Variants in FAM131B observed in about 807,000 individuals in gnomAD.
The protein encoded by FAM131B is family with sequence similarity 131 member B.
A neutral mutation model predicts 42.0 loss-of-function variants in FAM131B; 19 were observed. The observed-to-expected ratio is 0.45, with a 90% CI of 0.32 to 0.66. The LOEUF is 0.66. Ranked by LOEUF, FAM131B falls within the 30% of genes least tolerant of loss-of-function variation. The pLI is 0.05. For missense variants in FAM131B, 370 were observed against 468.4 expected, an observed-to-expected ratio of 0.79 and a Z score of 1.94; for synonymous variants, 183 against 177.6, an observed-to-expected ratio of 1.03 and a Z score of -0.24.
the FAM131B span, chr7:143,382,129 C>T: frequency 7.9e-6 from 7 of 886,310 alleles, no homozygotes; most frequent in South Asian, 7.0e-5. Context: ...CTTTGCTTCC[C>T]CACACGCTCT....
upstream of FAM131B, among the ~76,000 whole-genome samples, chr7:143,364,853 G>A (rs933693893): frequency 6.6e-6 from 1 of 151,996 alleles, no homozygotes; most frequent in Non-Finnish European, 1.5e-5. Flanking sequence ...CATACTTGGC[G>A]GGGGGGTTCT....
At chr7:143,363,069 A>G (rs1804077880), upstream of FAM131B, among the ~76,000 whole-genome samples, 1 of 152,122 alleles carries the variant, frequency 6.6e-6, no homozygotes, top group African/African-American at 2.4e-5. Flanking sequence ...GGCCGGGGTC[A>G]GGGGATGCCC....
chr7:143,362,760 C>T, upstream of FAM131B: 1 of 264,128 alleles, frequency 3.8e-6, no homozygotes, highest in Admixed American at 5.9e-5. This position sits in a 1 kb window ranked among gnomAD's most constrained non-coding sequence, Gnocchi z 7.7. Context: ...CCCACGGCAG[C>T]TCCGTCGCCG....
the FAM131B span, among the ~76,000 whole-genome samples, chr7:143,368,107 G>C: frequency 6.6e-6 from 1 of 152,204 alleles, no homozygotes; most frequent in African/African-American, 2.4e-5. Flanking sequence ...TCCTGGTCAG[G>C]TCCCAAGCAC....
chr7:143,380,505 C>T, the FAM131B span: 3 of 985,370 alleles, frequency 3.0e-6, no homozygotes, highest in East Asian at 3.4e-4. This position sits in a 1 kb window ranked among gnomAD's most constrained non-coding sequence, Gnocchi z 5.0. Context: ...CCCGCGTCCG[C>T]GTCCGTCCTC....
Position 143,359,977 on chromosome 7 carries a change from G to T in FAM131B, c.138+63C>A, listed in dbSNP as rs1803875864. 1 of 1,269,858 alleles carries T rather than the reference G, an allele frequency of 7.9e-7. No homozygotes were observed. The highest frequency in any genetic ancestry group is 1.1e-6 in the Non-Finnish European group (1 of 877,076). The allele number at this position is 1,269,858 out of a possible 1,614,324, so 78.7% of individuals were successfully genotyped here. On this transcript the variant is annotated intron_variant, in intron 2 of 6. Coordinates refer to ENST00000443739, the MANE Select transcript of FAM131B (RefSeq NM_001031690.3). The surrounding 1 kb of genome is among the most constrained non-coding windows in gnomAD (Gnocchi z 5.4). ...GTCAGTCTGAAGGAGTGTTTGGGTT[G>T]TTGCCTTGGAATTGAGGAAGTGCAG...
rs1198925493 is a variant in FAM131B, at chr7:143,358,942, C to G, written c.351G>C (p.Gln117His). 4 of 1,614,134 alleles carry G rather than the reference C, an allele frequency of 2.5e-6. No individual in the cohort carries two copies. The highest frequency in any genetic ancestry group is 1.7e-6 in the Non-Finnish European group (2 of 1,180,014). The part of the protein sequence containing the change: ...QGRVAHMIEW[Q>H]GWGKTPAVQP... ...GAACAGCTGGTGTCTTCCCCCAGCC[C>G]TGCCACTCAATCATGTGGGCCACCC... Residue 117 changes from glutamine (Q) to histidine (H), a missense_variant, in exon 5 of 7, where the codon CAG (glutamine) becomes CAC (histidine). Transcript: ENST00000443739. The surrounding 1 kb of genome is among the most constrained non-coding windows in gnomAD (Gnocchi z 4.7).
At chr7:143,381,244 T>G in the FAM131B span, 1 of 1,020,292 alleles carries the variant, frequency 9.8e-7, no homozygotes, top group Non-Finnish European at 1.2e-6. Flanking sequence ...CCGCTCCTTG[T>G]ATGGTCTGGG....
chr7:143,368,408 C>T, the FAM131B span, among the ~76,000 whole-genome samples: 3 of 152,224 alleles, frequency 2.0e-5, no homozygotes, highest in Non-Finnish European at 4.4e-5. Context: ...ATATTCCTTC[C>T]TCCATGGAGA....
chr7:143,380,659 G>T, the FAM131B span: 2 of 985,308 alleles, frequency 2.0e-6, no homozygotes, highest in Non-Finnish European at 2.4e-6. This position sits in a 1 kb window ranked among gnomAD's most constrained non-coding sequence, Gnocchi z 5.0. Flanking sequence ...GCCTTAAGAG[G>T]CTGCCCAGCG....
chr7:143,382,109 TGCGCCC>T, the FAM131B span: 1 of 652,950 alleles, frequency 1.5e-6, no homozygotes, highest in East Asian at 5.2e-5. Context: ...CAGGGCGCCC[TGCGCCC>T]CTCCTTTGCT....
At chr7:143,371,964 G>GT in the FAM131B span, among the ~76,000 whole-genome samples, 1 of 151,994 alleles carries the variant, frequency 6.6e-6, no homozygotes. Flanking sequence ...CCTAGGAAAG[G>GT]TTTTTTTTCA....
the FAM131B span, among the ~76,000 whole-genome samples, chr7:143,376,645 C>T: frequency 5.9e-5 from 9 of 152,290 alleles, no homozygotes; most frequent in East Asian, 3.9e-4. Context: ...TCCTGATGCG[C>T]GCCCAACCCA....
Position 143,362,551 on chromosome 7 carries a change from GC to G in FAM131B, c.28+24del. On this transcript the variant is annotated intron_variant, in intron 1 of 6. Coordinates refer to ENST00000443739, the MANE Select transcript of FAM131B (RefSeq NM_001031690.3). This position sits in a 1 kb window ranked among gnomAD's most constrained non-coding sequence, Gnocchi z 7.7. Reference sequence around the variant, plus strand: ...AGGGCGGCCCGGGGGGCCCAGCCCTGCCCCCGCCCGGCCGCGGTACCCACCC... The same window carrying G: ...AGGGCGGCCCGGGGGGCCCAGCCCTGCCCCGCCCGGCCGCGGTACCCACCC... The G allele has an allele frequency of 2.5e-6, 3 of 1,203,166 alleles. No homozygotes were observed. The highest frequency in any genetic ancestry group is 3.1e-6 in the Non-Finnish European group (3 of 964,218). The allele number at this position is 1,203,166 out of a possible 1,614,324, so 74.5% of individuals were successfully genotyped here. A position where few individuals can be genotyped will look rare whatever the true frequency, so the allele number is the denominator to read the frequency against.
chr7:143,375,202 A>G, the FAM131B span, among the ~76,000 whole-genome samples: 1 of 152,228 alleles, frequency 6.6e-6, no homozygotes, highest in Non-Finnish European at 1.5e-5. Context: ...TGAGCTTTCA[A>G]TGGTTCTGGA....
At position 143,360,130 on chromosome 7, in the gene FAM131B, C is replaced by T. The variant is rs775755764; in HGVS notation, c.48G>A (p.Val16=). ...SRTVGNEVIA[V]DWKGLKDVDQ... Reference sequence around the variant, plus strand: ...CGACATCCTTCAGGCCCTTCCAATCCACTGCAATCACCTCATTCCCTGAGG... The same window carrying T: ...CGACATCCTTCAGGCCCTTCCAATCTACTGCAATCACCTCATTCCCTGAGG... The change falls in exon 2 of 7, where the codon GTG becomes GTA. Residue 16 remains valine (V), a synonymous_variant. Coordinates refer to ENST00000443739, the MANE Select transcript of FAM131B (RefSeq NM_001031690.3). The T allele has an allele frequency of 7.4e-6, 12 of 1,613,160 alleles. No homozygotes were observed. Among genetic ancestry groups the T allele is most frequent in the African/African-American group, 2.7e-5 (2 of 74,868 alleles).
chr7:143,357,438 G>T lies in FAM131B; in HGVS notation c.467-15C>A. 1 of 1,602,774 alleles carries T rather than the reference G, an allele frequency of 6.2e-7. No individual in the cohort carries two copies. Among genetic ancestry groups the T allele is most frequent in the Non-Finnish European group, 8.5e-7 (1 of 1,174,410 alleles). On this transcript the variant is annotated splice_polypyrimidine_tract_variant and intron_variant, in intron 5 of 6. Transcript: ENST00000443739. ...CTCCATGACGCCTGGGGGAAGAAATGCAACAACCACAAAATACCTCAGGGA... is the reference window on the plus strand; with the variant it reads ...CTCCATGACGCCTGGGGGAAGAAATTCAACAACCACAAAATACCTCAGGGA...
chr7:143,367,720 A>G (rs1272623031), upstream of FAM131B, among the ~76,000 whole-genome samples: 1 of 151,768 alleles, frequency 6.6e-6, no homozygotes, highest in African/African-American at 2.4e-5. Flanking sequence ...GAAAGAAAGA[A>G]AGAAAGCTTA....
At chr7:143,381,250 C>G in the FAM131B span, 1 of 1,030,660 alleles carries the variant, frequency 9.7e-7, no homozygotes, top group Non-Finnish European at 1.2e-6. Context: ...CTTGTATGGT[C>G]TGGGCGCCGC....
Sources: allele counts gnomAD v4.1 joint callset (sites outside exome capture counted in the v4.1 genomes callset), GRCh38; gene constraint gnomAD v4.1.1; non-coding constraint Gnocchi (gnomAD v3.1); transcripts MANE v1.5; gene names NCBI Gene and HGNC (gene_info 2026-07-23, HGNC 2026-07-21).